The following SELENBP1 variants were observed in gnomAD, a reference collection of about 807,000 sequenced individuals.
SELENBP1 encodes selenium binding protein 1.
A neutral mutation model predicts 61.0 loss-of-function variants in SELENBP1; 71 were observed. That is an observed-to-expected ratio of 1.16 (90% CI 0.96 to 1.42). The LOEUF (loss-of-function observed/expected upper bound fraction) is 1.42, where lower values mean the gene tolerates loss of function less well. Among genes scored for constraint, SELENBP1 ranks in the 40% most tolerant of loss-of-function variants. The pLI is 0.00. For synonymous variants in SELENBP1, 270 were observed against 238.9 expected (o/e 1.13, Z -1.20); for missense variants, 561 against 605.0 (o/e 0.93, Z 0.76).
chr1:151,366,033 A>T (rs928127394), intron 7 of SELENBP1, 187 bp from the exon 8 acceptor site: 1 of 731,370 alleles, frequency 1.4e-6, no homozygotes, highest in Admixed American at 2.8e-5. Flanking sequence ...TCACCACTGC[A>T]TTCCCAGAAC....
rs1038654073 is a variant in SELENBP1, at chr1:151,366,014, G to A, written c.844-168C>T. On this transcript the variant is annotated intron_variant, in intron 7 of 11. Coordinates refer to ENST00000368868, the MANE Select transcript of SELENBP1 (RefSeq NM_003944.4). The stretch of plus-strand genomic sequence containing the variant: ...ATGCAAGCCCCTTGAGGCAGGGGTT[G>A]TGTCTGCTTCACCACTGCATTCCCA... 9 of 767,576 alleles carry A rather than the reference G, an allele frequency of 1.2e-5. No individual in the cohort carries two copies. In the Admixed American group the frequency reaches 2.2e-4, roughly 19 times the overall value. 47.5% of individuals were successfully genotyped at this position (767,576 alleles called of 1,614,324 possible).
rs569976081 is a variant in SELENBP1, at chr1:151,369,251, C to T, written c.175-62G>A. Reference sequence around the variant, plus strand: ...CGCCTCTGTCCACTTTTGGAAGAGGCGCCCTGTGGACTCATTTTGGTTTGG... The same window carrying T: ...CGCCTCTGTCCACTTTTGGAAGAGGTGCCCTGTGGACTCATTTTGGTTTGG... On this transcript the variant is annotated intron_variant, in intron 3 of 11. Transcript: ENST00000368868. The T allele has an allele frequency of 2.7e-5, 41 of 1,502,814 alleles. No homozygotes were observed. In the South Asian group the frequency reaches 3.7e-4, roughly 13 times the overall value. The allele number at this position is 1,502,814 out of a possible 1,614,324, so 93.1% of individuals were successfully genotyped here.
rs530716641 is a variant in SELENBP1 at position 151,365,028 on chromosome 1, C to T, written c.1154G>A (p.Gly385Glu). 1 of 1,609,002 alleles carries T rather than the reference C, an allele frequency of 6.2e-7. No individual in the cohort carries two copies. Residue 385 changes from glycine (G) to glutamate (E), a missense_variant, in exon 11 of 12, where the codon GGA becomes GAA. Physicochemically the swap from Gly to Glu is moderately conservative, Grantham distance 98. Transcript: ENST00000368868. ...GCTGAGCTGGATCATCTGAGGGCCT[C>T]CAGCCACCCGTTTTCCCTTGGGAAA... ...PLVVKGKRVAGGPQMIQLSLD... is the reference protein window; with the variant it reads ...PLVVKGKRVAEGPQMIQLSLD...
chr1:151,365,979 A>G, intron 7 of SELENBP1, 133 bp from the exon 8 acceptor site: 4 of 947,114 alleles, frequency 4.2e-6, no homozygotes, highest in Non-Finnish European at 6.3e-6. Context: ...TGCCAGCAGG[A>G]TCTAACTCCA....
intron 7 of SELENBP1, 159 bp from the exon 8 acceptor site, chr1:151,366,005 GC>G: frequency 1.2e-6 from 1 of 806,486 alleles, no homozygotes. Context: ...GCCCCTTGAG[GC>G]AGGGGTTGTG....
chr1:151,367,020 A>C, intron 5 of SELENBP1, 116 bp from the exon 6 acceptor site: 2 of 1,491,446 alleles, frequency 1.3e-6, no homozygotes. Flanking sequence ...CTCTACCTCC[A>C]CTGCTGGATT....
At chr1:151,366,231 C>T (rs766048616) in intron 7 of SELENBP1, 44 bp downstream of exon 7, 1 of 1,588,932 alleles carries the variant, frequency 6.3e-7, no homozygotes, top group Non-Finnish European at 8.6e-7. Context: ...GGTAGAGCTG[C>T]TGACAAGACT....
rs923601693 is a variant in SELENBP1, at chr1:151,365,635, G to A, written c.972C>T (p.Phe324=). The A allele has an allele frequency of 4.3e-6, 7 of 1,614,094 alleles. No individual in the cohort carries two copies. The highest frequency in any genetic ancestry group is 4.2e-6 in the Non-Finnish European group (5 of 1,180,044). The part of the protein sequence containing the change: ...LLSLDDRFLY[F]SNWLHGDLRQ... ...TCAGGTCCCCATGCAGCCAGTTGCT[G>A]AAGTAGAGGAAGCGGTCGTCCAGGG... Residue 324 remains phenylalanine (F), a synonymous_variant, in exon 9 of 12, where the codon TTC becomes TTT. Transcript: ENST00000368868.
chr1:151,371,929 GA>G (rs1652158632), intron 1 of SELENBP1, among the ~76,000 whole-genome samples: 1 of 152,166 alleles, frequency 6.6e-6, no homozygotes, highest in Admixed American at 6.5e-5. Context: ...TGGACTCATG[GA>G]AAGCTCAAGT....
chr1:151,366,958 C>T (rs1651862865), intron 5 of SELENBP1, 54 bp from the exon 6 acceptor site: 1 of 1,587,722 alleles, frequency 6.3e-7, no homozygotes, highest in African/African-American at 1.3e-5. Context: ...ACACTAACCC[C>T]ACCCTCCAGC....
chr1:151,368,601 C>G (rs1651976354), intron 4 of SELENBP1, among the ~76,000 whole-genome samples: 1 of 152,196 alleles, frequency 6.6e-6, no homozygotes, highest in Admixed American at 6.5e-5. Context: ...ATAAGCTCCT[C>G]CCAGGCTGGC....
chr1:151,368,086 T>C, intron 5 of SELENBP1, 113 bp downstream of exon 5: 1 of 1,399,976 alleles, frequency 7.1e-7, no homozygotes, highest in Non-Finnish European at 9.8e-7. Context: ...TCACTGGTTC[T>C]CCTTGGGAAG....
intron 1 of SELENBP1, among the ~76,000 whole-genome samples, chr1:151,371,412 A>G (rs538164017): frequency 7.0e-6 from 1 of 142,084 alleles, no homozygotes; most frequent in South Asian, 2.3e-4. Flanking sequence ...AATTCTGACT[A>G]AAAAAAAAAA....
chr1:151,365,698 G>T lies in SELENBP1; in HGVS notation c.923-14C>A. ...CGGTGATCAGGCCTGTGGGCAGGGG[G>T]CGAGTAGAGCCTTTAAGGACTCTTG... On this transcript the variant is annotated splice_polypyrimidine_tract_variant and intron_variant, in intron 8 of 11. Coordinates refer to ENST00000368868, the MANE Select transcript of SELENBP1 (RefSeq NM_003944.4). 6.2e-7 allele frequency: 1 copy of T among 1,614,150 alleles called. No homozygotes were observed. The highest frequency in any genetic ancestry group is 1.1e-5 in the South Asian group (1 of 91,070).
At chr1:151,366,092 T>G (rs1451865382) in intron 7 of SELENBP1, 183 bp downstream of exon 7, 21 of 806,742 alleles carry the variant, frequency 2.6e-5, no homozygotes, top group Non-Finnish European at 3.6e-5. Context: ...TTTGAATGAA[T>G]GGATAAATAC....
Position 151,366,886 on chromosome 1 carries a change from T to A in SELENBP1, c.500A>T (p.Asp167Val). 5 of 1,613,856 alleles carry A rather than the reference T, an allele frequency of 3.1e-6. No individual in the cohort carries two copies. Among genetic ancestry groups the A allele is most frequent in the Non-Finnish European group, 4.2e-6 (5 of 1,179,906 alleles). Residue 167 changes from aspartate to valine, a missense_variant, in exon 6 of 12, where the codon GAT becomes GTT. Transcript: ENST00000368868. ...CCCCTTCACCTCGAACGTCTCCCCA[T>A]CCAGCAGCACAAAACCCCCTGAACA... is the stretch of plus-strand genomic sequence containing the variant. Reference protein sequence around the residue: ...GNGKGGFVLLDGETFEVKGTW... With the variant: ...GNGKGGFVLLVGETFEVKGTW...
chr1:151,365,484 G>A, intron 9 of SELENBP1, 79 bp downstream of exon 9: 1 of 1,599,494 alleles, frequency 6.3e-7, no homozygotes, highest in South Asian at 1.1e-5. Context: ...TCCTGCAGCT[G>A]CTTCAGATCA....
In SELENBP1 at chr1:151,366,855, C is replaced by A; in HGVS notation, c.531G>T (p.Trp177Cys). 1 of 1,614,174 alleles carries A rather than the reference C, an allele frequency of 6.2e-7. No homozygotes were observed. The highest frequency in any genetic ancestry group is 1.1e-5 in the South Asian group (1 of 91,080). The change falls in exon 6 of 12, where the codon TGG (tryptophan) becomes TGT (cysteine). Residue 177 changes from tryptophan to cysteine, a missense_variant. Transcript: ENST00000368868. The part of the protein sequence containing the change: ...DGETFEVKGT[W>C]ERPGGAAPLG... Reference sequence around the variant, plus strand: ...ACGGTGCAGCACCCCCAGGTCTCTCCCATGTCCCCTTCACCTCGAACGTCT... The same window carrying A: ...ACGGTGCAGCACCCCCAGGTCTCTCACATGTCCCCTTCACCTCGAACGTCT...
At chr1:151,372,525 A>C in intron 1 of SELENBP1, 113 bp downstream of exon 1, 2 of 1,355,154 alleles carry the variant, frequency 1.5e-6, no homozygotes, top group Non-Finnish European at 2.1e-6. Context: ...AGCAGAGTCC[A>C]CTACTCCCTC....
Sources: allele counts gnomAD v4.1 joint callset (sites outside exome capture counted in the v4.1 genomes callset), GRCh38; gene constraint gnomAD v4.1.1; transcripts MANE v1.5; gene names NCBI Gene and HGNC (gene_info 2026-07-23, HGNC 2026-07-21).